Variants in DST observed in about 807,000 individuals in gnomAD.
DST encodes bullous pemphigoid antigen.
DST carries 253 observed loss-of-function variants against 875.2 expected under a neutral mutation model. That is an observed-to-expected ratio of 0.29 (90% CI 0.26 to 0.32). The LOEUF (loss-of-function observed/expected upper bound fraction) is 0.32. Among genes scored for constraint, DST ranks in the 10% least tolerant of loss-of-function variants. The pLI, the probability that DST is intolerant of heterozygous loss-of-function variation, is 1.00. For synonymous variants in DST, 3,124 were observed against 3,197.1 expected, an observed-to-expected ratio of 0.98 and a Z score of 0.77; for missense variants, 8,287 against 9,111.6, an observed-to-expected ratio of 0.91 and a Z score of 3.68.
rs755765178 is a variant in DST, at chr6:56,735,397, G to GT, written c.626-109dup. On this transcript the variant is annotated intron_variant, in intron 4 of 103. Transcript: ENST00000680361. Reference sequence around the variant, plus strand: ...TGAGATATTTAAAAGATATGCTTCAGTGTATTCAAAGTTTCTTGTTAAATT... The same window carrying GT: ...TGAGATATTTAAAAGATATGCTTCAGTTGTATTCAAAGTTTCTTGTTAAATT... 574 of 730,592 alleles carry GT rather than the reference G, an allele frequency of 7.9e-4. 1 individual carries two copies. In the Middle Eastern group the frequency reaches 0.013, roughly 17 times the overall value. 45.3% of individuals were successfully genotyped at this position (730,592 alleles called of 1,614,324 possible).
intron 2 of DST, among the ~76,000 whole-genome samples, chr6:56,905,068 G>A (rs564626808): frequency 3.2e-4 from 48 of 152,240 alleles, no homozygotes; most frequent in African/African-American, 8.2e-4. Context: ...GATTACAGGC[G>A]TGAGCCACCA....
intron 10 of DST, among the ~76,000 whole-genome samples, chr6:56,668,499 T>C (rs1050087035): frequency 6.6e-5 from 10 of 151,994 alleles, no homozygotes; most frequent in Non-Finnish European, 1.3e-4. Flanking sequence ...CCTAGCACAC[T>C]GGGAGGCTGA....
intron 77 of DST, among the ~76,000 whole-genome samples, chr6:56,505,424 G>A (rs542509537): frequency 2.7e-5 from 4 of 148,858 alleles, no homozygotes; most frequent in Middle Eastern, 3.4e-3. Flanking sequence ...ACTGGAGCCC[G>A]AATTAGTTAC....
chr6:56,739,714 A>T (rs542440133), intron 4 of DST, among the ~76,000 whole-genome samples: 1 of 152,338 alleles, frequency 6.6e-6, no homozygotes, highest in South Asian at 2.1e-4. Context: ...TGGCAACGAG[A>T]GTGACCTCTG....
rs1765192361 is a variant in DST, at chr6:56,851,450, A to G, written c.572T>C (p.Ile191Thr). The G allele has an allele frequency of 6.2e-7, 1 of 1,613,926 alleles. No individual in the cohort carries two copies. The highest frequency in any genetic ancestry group is 1.1e-5 in the South Asian group (1 of 91,076). Residue 191 changes from isoleucine (I) to threonine (T), a missense_variant, in exon 4 of 104, where the codon ATT becomes ACT. By Grantham distance (89) the Ile-to-Thr change is moderately conservative. Transcript: ENST00000680361. ...AGGGTCCAGCACTGAGCCCCCTTGA[A>G]TCTTTCTTTTCGATCTCTCATGTTT... ...LPKHERSKRK[I>T]QGGSVLDPAE... is the part of the protein sequence containing the mutation.
intron 10 of DST, among the ~76,000 whole-genome samples, chr6:56,661,471 AGTG>A (rs1394608056): frequency 6.6e-6 from 1 of 152,132 alleles, no homozygotes; most frequent in East Asian, 1.9e-4. Context: ...CCCTATTGTT[AGTG>A]GATCAGTGGC....
chr6:56,630,940 G>A (rs960564175), intron 30 of DST, among the ~76,000 whole-genome samples: 10 of 151,848 alleles, frequency 6.6e-5, no homozygotes, highest in Admixed American at 3.9e-4. Context: ...TTACCACCAT[G>A]CCTGGCTAAC....
At chr6:56,804,007 A>C (rs1428449441) in intron 4 of DST, among the ~76,000 whole-genome samples, 1 of 152,172 alleles carries the variant, frequency 6.6e-6, no homozygotes. Flanking sequence ...CAAACATATG[A>C]CCAAATTCAG....
intron 45 of DST, among the ~76,000 whole-genome samples, chr6:56,599,136 G>C (rs2098419508): frequency 6.6e-6 from 1 of 152,028 alleles, no homozygotes; most frequent in Non-Finnish European, 1.5e-5. Flanking sequence ...AGTGAACTAA[G>C]ATACTTTCCT....
In DST at chr6:56,615,921, G is replaced by C. The variant is rs1320705391; in HGVS notation, c.4930-1437C>G. 2.5e-6 allele frequency: 4 copies of C among 1,614,100 alleles called. No individual in the cohort carries two copies. The African/African-American group carries it at 4.0e-5, about 16-fold the overall frequency. On this transcript the variant is annotated intron_variant, in intron 36 of 103. Transcript: ENST00000680361. Reference sequence around the variant, plus strand: ...ATTACTAATTCACACTGTCGCAGCTGCTGGGCAAACCCCTCATCAACCAGG... The same window carrying C: ...ATTACTAATTCACACTGTCGCAGCTCCTGGGCAAACCCCTCATCAACCAGG...
chr6:56,627,127 C>T, intron 34 of DST, 77 bp downstream of exon 34: 1 of 1,064,358 alleles, frequency 9.4e-7, no homozygotes, highest in Non-Finnish European at 1.5e-6. Context: ...AGTGAAATGA[C>T]TTGCATGGCT....
At chr6:56,781,985 T>A (rs1220194536) in intron 4 of DST, among the ~76,000 whole-genome samples, 2 of 152,228 alleles carry the variant, frequency 1.3e-5, no homozygotes, top group African/African-American at 4.8e-5. Context: ...GATAATCATG[T>A]GGTTTTTGTC....
chr6:56,667,340 TACAC>T (rs1034842280), intron 10 of DST, among the ~76,000 whole-genome samples: 3 of 152,254 alleles, frequency 2.0e-5, no homozygotes, highest in African/African-American at 7.2e-5. Context: ...CAGTGAGAAA[TACAC>T]ACAATTCAAC....
chr6:56,781,543 G>T (rs922650528), intron 4 of DST, among the ~76,000 whole-genome samples: 46 of 152,166 alleles, frequency 3.0e-4, no homozygotes, highest in African/African-American at 5.8e-4. Flanking sequence ...TGGTGTACAA[G>T]AATGCTTGTG....
At chr6:56,923,938 A>G (rs946094502) in intron 2 of DST, among the ~76,000 whole-genome samples, 1 of 152,204 alleles carries the variant, frequency 6.6e-6, no homozygotes, top group Non-Finnish European at 1.5e-5. Flanking sequence ...AGCCAGGCCT[A>G]CATGGCAAAA....
intron 10 of DST, among the ~76,000 whole-genome samples, chr6:56,655,776 C>A (rs1033063281): frequency 6.6e-6 from 1 of 152,210 alleles, no homozygotes; most frequent in African/African-American, 2.4e-5. Context: ...CGAATTCTTT[C>A]AGCAGACTCG....
At chr6:56,567,055 C>G (rs1344231143) in intron 55 of DST, among the ~76,000 whole-genome samples, 2 of 152,110 alleles carry the variant, frequency 1.3e-5, no homozygotes, top group Admixed American at 6.5e-5. Flanking sequence ...ATAATAATAC[C>G]TAACTGTGGG....
chr6:56,619,758 T>C (rs2098669195), intron 36 of DST: 1 of 1,614,218 alleles, frequency 6.2e-7, no homozygotes, highest in Non-Finnish European at 8.5e-7. Flanking sequence ...TGATCCTTCC[T>C]TTCCAGCTCC....
intron 33 of DST, 115 bp downstream of exon 33, chr6:56,627,884 T>C (rs2152752901): frequency 2.1e-6 from 2 of 964,282 alleles, no homozygotes; most frequent in East Asian, 4.8e-5. Flanking sequence ...TTATATACTC[T>C]CCACCTTCCT....
Sources: gnomAD v4.1 joint callset for allele counts (sites outside exome capture counted in the v4.1 genomes callset) on GRCh38, gnomAD v4.1.1 for gene constraint, MANE v1.5 for transcripts, NCBI Gene and HGNC (gene_info 2026-07-23, HGNC 2026-07-21) for gene names.